PPIL2: variants seen among roughly 807,000 people sequenced by gnomAD.
PPIL2 encodes the protein RING-type E3 ubiquitin-protein ligase PPIL2.
In PPIL2, 50 loss-of-function variants were observed where a neutral mutation model predicts 75.2. The observed-to-expected ratio is 0.66, with a 90% CI of 0.53 to 0.84. The LOEUF is 0.84. Ranked by LOEUF, PPIL2 falls within the 40% of genes least tolerant of loss-of-function variation. The pLI is 0.00. For missense variants in PPIL2, 590 were observed against 685.0 expected (o/e 0.86, Z 1.55); for synonymous variants, 245 against 258.8 (o/e 0.95, Z 0.51).
intron 6 of PPIL2, among the ~76,000 whole-genome samples, chr22:21,677,570 G>C (rs550403297): frequency 1.1e-4 from 16 of 152,340 alleles, no homozygotes; most frequent in African/African-American, 3.6e-4. Flanking sequence ...GGCGGCGCGC[G>C]CCTGCAATCC....
intron 1 of PPIL2, 42 bp from the exon 2 acceptor site, chr22:21,669,871 A>T (rs2066562642): frequency 6.3e-7 from 1 of 1,575,098 alleles, no homozygotes; most frequent in African/African-American, 1.3e-5. Context: ...CGTCCTCTTT[A>T]TAAAGGTGGT....
intron 14 of PPIL2, 115 bp downstream of exon 14, chr22:21,688,221 G>A: frequency 7.4e-7 from 1 of 1,345,922 alleles, no homozygotes; most frequent in Non-Finnish European, 1.0e-6. Flanking sequence ...AGACCAGGGT[G>A]GAACGACTGG....
chr22:21,669,941 T>G lies in PPIL2; in HGVS notation c.61T>G (p.Phe21Val). Residue 21 changes from phenylalanine to valine, a missense_variant, in exon 2 of 20, where the codon TTT (phenylalanine) becomes GTT (valine). Physicochemically the swap from Phe to Val is conservative, Grantham distance 50 (BLOSUM62 -1). Transcript: ENST00000398831. ...MYITCAEYTHFYGGKKPDLPQ... is the reference protein window; with the variant it reads ...MYITCAEYTHVYGGKKPDLPQ... ...CATTACCTGTGCTGAATACACTCAC[T>G]TTTATGGTGGCAAGAAGCCAGGTAA... is the stretch of plus-strand genomic sequence containing the variant. 1 of 1,614,080 alleles carries G rather than the reference T, an allele frequency of 6.2e-7. No homozygotes were observed. Among genetic ancestry groups the G allele is most frequent in the Non-Finnish European group, 8.5e-7 (1 of 1,179,918 alleles).
intron 1 of PPIL2, chr22:21,669,218 G>T: frequency 4.1e-6 from 1 of 245,548 alleles, no homozygotes; most frequent in South Asian, 3.8e-5. Context: ...CTGGAGTGTA[G>T]TGGTGCTGTC....
In PPIL2 at chr22:21,696,780, C is replaced by CTCA. The variant is rs140008468; in HGVS notation, c.*1294_*1296dup. The CTCA allele has an allele frequency of 4.4e-4, 686 of 1,547,232 alleles. 4 individuals are homozygous for CTCA. In the African/African-American group the frequency reaches 8.1e-3, roughly 18 times the overall value. On this transcript the variant is annotated 3_prime_UTR_variant, in exon 20 of 20. Transcript: ENST00000398831. ...AGGCTGTACCTCTGCCCTTCCTTTT[C>CTCA]TCATCAATCACTGATGCTGAAGCTG...
In PPIL2 at chr22:21,696,849, A is replaced by G. The variant is rs901870879; in HGVS notation, c.*1359A>G. ...CTCCCTGGATGCTGGGTGGCGCCTC[A>G]TCTGCATCTCTGCCTCACCCCATCC... is the stretch of plus-strand genomic sequence containing the variant. On this transcript the variant is annotated 3_prime_UTR_variant, in exon 20 of 20. Transcript: ENST00000398831. The G allele has an allele frequency of 1.9e-5, 30 of 1,576,606 alleles. No individual in the cohort carries two copies. Among genetic ancestry groups the G allele is most frequent in the Non-Finnish European group, 2.4e-5 (28 of 1,161,896 alleles).
intron 6 of PPIL2, 134 bp downstream of exon 6, chr22:21,675,249 G>T: frequency 1.2e-6 from 1 of 862,432 alleles, no homozygotes; most frequent in Non-Finnish European, 1.8e-6. Context: ...CGCAAAAAGT[G>T]TCACAGGGCT....
downstream of PPIL2, chr22:21,698,226 A>C (rs1041007343): frequency 9.2e-5 from 14 of 151,626 alleles, no homozygotes; most frequent in Non-Finnish European, 1.9e-4. Flanking sequence ...AGCCCAACAA[A>C]AAAAAAGTGA....
At chr22:21,683,308 G>C (rs566046127) in intron 9 of PPIL2, 51 bp downstream of exon 9, 2 of 1,484,878 alleles carry the variant, frequency 1.3e-6, no homozygotes, top group African/African-American at 2.8e-5. Flanking sequence ...GGATGAAATT[G>C]GGACAGTGCT....
intron 1 of PPIL2, among the ~76,000 whole-genome samples, chr22:21,667,089 C>T (rs2066417410): frequency 6.6e-6 from 1 of 150,814 alleles, no homozygotes; most frequent in African/African-American, 2.4e-5. Context: ...ACTTCAGCGG[C>T]CTCTCTTTTC....
chr22:21,687,938 G>A (rs943694095), intron 13 of PPIL2, 135 bp from the exon 14 acceptor site: 1 of 1,230,424 alleles, frequency 8.1e-7, no homozygotes, highest in Non-Finnish European at 1.2e-6. Flanking sequence ...GGAGGTGGCT[G>A]GGAGGGCCCC....
intron 6 of PPIL2, among the ~76,000 whole-genome samples, chr22:21,680,445 C>T (rs934692307): frequency 3.3e-5 from 5 of 152,028 alleles, no homozygotes; most frequent in Admixed American, 2.6e-4. Flanking sequence ...GCAGCAGAAT[C>T]GCTGGAACCC....
rs2067981965 is a variant in PPIL2, at chr22:21,697,448, A to C, written c.*1958A>C. The C allele has an allele frequency of 5.6e-6, 1 of 179,740 alleles. No homozygotes were observed. The highest frequency in any genetic ancestry group is 1.2e-5 in the Non-Finnish European group (1 of 84,134). The allele number at this position is 179,740 out of a possible 1,614,324, so 11.1% of individuals were successfully genotyped here. On this transcript the variant is annotated 3_prime_UTR_variant, in exon 20 of 20. Coordinates refer to ENST00000398831, the MANE Select transcript of PPIL2 (RefSeq NM_014337.4). Reference sequence around the variant, plus strand: ...CTTGGCTCCAGAGCTCGAAGACCCCAAGACAGCCCTCTGCTCTCAGCGGCG... The same window carrying C: ...CTTGGCTCCAGAGCTCGAAGACCCCCAGACAGCCCTCTGCTCTCAGCGGCG...
rs766805967 is a variant in PPIL2, at chr22:21,687,752, G to A, written c.987+20G>A. The A allele has an allele frequency of 1.3e-6, 2 of 1,596,216 alleles. No individual in the cohort carries two copies. Among genetic ancestry groups the A allele is most frequent in the Non-Finnish European group, 1.7e-6 (2 of 1,163,972 alleles). ...TTTGTGGTGAGTGACGAGAGTCACT[G>A]GCTGCACAGATGAGCTTGGTGGGAC... On this transcript the variant is annotated intron_variant, in intron 13 of 19. Coordinates refer to ENST00000398831, the MANE Select transcript of PPIL2 (RefSeq NM_014337.4).
chr22:21,682,590 C>T (rs1047982746), intron 8 of PPIL2, 64 bp downstream of exon 8: 6 of 1,287,486 alleles, frequency 4.7e-6, no homozygotes, highest in Non-Finnish European at 6.6e-6. Flanking sequence ...CAGGCCTCTA[C>T]AGGGCCCTAC....
chr22:21,684,454 CAAAAAAAAAAA>C (rs1028354500), intron 9 of PPIL2, among the ~76,000 whole-genome samples: 6 of 47,544 alleles, frequency 1.3e-4, no homozygotes, highest in South Asian at 9.2e-4. Context: ...TCCATCTCCA[CAAAAAAAAAAA>C]AAAAAAAAAA....
At chr22:21,681,203 T>C (rs1050844354) in intron 6 of PPIL2, 96 bp from the exon 7 acceptor site, 1 of 1,011,658 alleles carries the variant, frequency 9.9e-7, no homozygotes, top group African/African-American at 1.6e-5. Flanking sequence ...ATCGCTGACT[T>C]TGGAGTTCTG....
In PPIL2 at chr22:21,686,503, G is replaced by A. The variant is rs76312937; in HGVS notation, c.735G>A (p.Lys245=). ...KLNAAHYSTG[K]VSASFTSTAM... is the part of the protein sequence containing the mutation. ...GGCAGGCCCACTATTCCACAGGGAA[G>A]GTCAGCGCTTCCTTCACCTCCACCG... The change falls in exon 11 of 20, where the codon AAG becomes AAA. Residue 245 remains lysine (K), a synonymous_variant. Transcript: ENST00000398831. The A allele has an allele frequency of 8.4e-4, 1,355 of 1,614,128 alleles. 17 individuals are homozygous for A. The African/African-American group carries it at 0.016, about 19-fold the overall frequency.
intron 8 of PPIL2, 66 bp downstream of exon 8, chr22:21,682,592 G>T: frequency 8.3e-7 from 1 of 1,202,108 alleles, no homozygotes; most frequent in Non-Finnish European, 1.2e-6. Flanking sequence ...GGCCTCTACA[G>T]GGCCCTACCC....
Sources: gnomAD v4.1 joint callset for allele counts (sites outside exome capture counted in the v4.1 genomes callset) on GRCh38, gnomAD v4.1.1 for gene constraint, MANE v1.5 for transcripts, NCBI Gene and HGNC (gene_info 2026-07-23, HGNC 2026-07-21) for gene names.